The following CNTN4 variants were observed in gnomAD, a reference collection of about 807,000 sequenced individuals.
CNTN4 encodes the protein contactin-4.
A neutral mutation model predicts 122.5 loss-of-function variants in CNTN4; 77 were observed. The observed-to-expected ratio is 0.63, with a 90% CI of 0.52 to 0.76. The LOEUF (loss-of-function observed/expected upper bound fraction) is 0.76, where lower values mean the gene tolerates loss of function less well. CNTN4 is among the 30% of genes least tolerant of loss of function. The pLI, the probability that CNTN4 is intolerant of heterozygous loss-of-function variation, is 0.00. For synonymous variants in CNTN4, 512 were observed against 447.0 expected, an observed-to-expected ratio of 1.15 and a Z score of -1.83; for missense variants, 1,256 against 1,259.1, an observed-to-expected ratio of 1.00 and a Z score of 0.04.
intron 4 of CNTN4, among the ~76,000 whole-genome samples, chr3:2,598,298 G>A (rs1386679395): frequency 6.6e-6 from 1 of 152,140 alleles, no homozygotes; most frequent in African/African-American, 2.4e-5. Context: ...GTAAATTGCA[G>A]TGGTATTAGC....
At chr3:2,549,412 G>C (rs1444277715) in intron 3 of CNTN4, among the ~76,000 whole-genome samples, 4 of 152,128 alleles carry the variant, frequency 2.6e-5, no homozygotes, top group Admixed American at 1.3e-4. Flanking sequence ...AGCATGAAGA[G>C]GTGTTGAATT....
At chr3:2,565,117 A>G (rs1047425657) in intron 3 of CNTN4, among the ~76,000 whole-genome samples, 1 of 152,024 alleles carries the variant, frequency 6.6e-6, no homozygotes, top group African/African-American at 2.4e-5. Context: ...GTCTAAATCA[A>G]CCATTGGGTA....
chr3:2,846,581 A>G (rs1443048603), intron 7 of CNTN4, among the ~76,000 whole-genome samples: 1 of 152,218 alleles, frequency 6.6e-6, no homozygotes. Flanking sequence ...TTTATCATGT[A>G]TGCCTCTTTA....
At chr3:3,032,656 A>C (rs898400583) in intron 16 of CNTN4, among the ~76,000 whole-genome samples, 2 of 152,256 alleles carry the variant, frequency 1.3e-5, no homozygotes, top group African/African-American at 4.8e-5. Context: ...AGATTCTTTG[A>C]TTTTCTGAGG....
chr3:2,751,176 C>T (rs1021580000), intron 6 of CNTN4, among the ~76,000 whole-genome samples: 2 of 151,776 alleles, frequency 1.3e-5, no homozygotes, highest in Admixed American at 6.6e-5. Flanking sequence ...GGCATGGTGG[C>T]GGGCACCTGT....
chr3:2,903,493 G>T (rs754767061), intron 12 of CNTN4, among the ~76,000 whole-genome samples: 27 of 152,124 alleles, frequency 1.8e-4, no homozygotes, highest in Non-Finnish European at 3.5e-4. Context: ...CTCTTCAGCT[G>T]CATTGACCTT....
At chr3:2,198,261 A>G (rs1453558505) in intron 2 of CNTN4, among the ~76,000 whole-genome samples, 2 of 152,174 alleles carry the variant, frequency 1.3e-5, no homozygotes, top group East Asian at 1.9e-4. Flanking sequence ...TTTTATTACC[A>G]TTTGAAATAT....
chr3:2,392,161 C>T (rs2046463665), intron 3 of CNTN4, among the ~76,000 whole-genome samples: 2 of 152,196 alleles, frequency 1.3e-5, no homozygotes, highest in African/African-American at 4.8e-5. Flanking sequence ...TTCCCAAATC[C>T]ACTTGGCTAT....
chr3:2,864,468 G>A (rs1228964782), intron 7 of CNTN4, among the ~76,000 whole-genome samples: 1 of 152,002 alleles, frequency 6.6e-6, no homozygotes, highest in Non-Finnish European at 1.5e-5. Flanking sequence ...GCCAGGCGCG[G>A]TGGCTCACAC....
At chr3:2,949,085 T>A (rs757830273) in intron 13 of CNTN4, among the ~76,000 whole-genome samples, 7 of 152,132 alleles carry the variant, frequency 4.6e-5, no homozygotes, top group Admixed American at 1.3e-4. Flanking sequence ...TTAGCTACAA[T>A]CACACCGGCT....
chr3:2,730,241 A>G (rs1285471609), intron 4 of CNTN4, among the ~76,000 whole-genome samples: 1 of 152,204 alleles, frequency 6.6e-6, no homozygotes, highest in African/African-American at 2.4e-5. Context: ...CCTTATACCT[A>G]TAGCCTGAAG....
chr3:2,388,538 T>G (rs2046327604), intron 3 of CNTN4, among the ~76,000 whole-genome samples: 1 of 152,210 alleles, frequency 6.6e-6, no homozygotes, highest in Non-Finnish European at 1.5e-5. Context: ...CTGCATAGTC[T>G]TATTTAGAAA....
At chr3:2,985,024 G>A (rs1052135610) in intron 13 of CNTN4, among the ~76,000 whole-genome samples, 1 of 152,210 alleles carries the variant, frequency 6.6e-6, no homozygotes, top group Non-Finnish European at 1.5e-5. Flanking sequence ...GTATCAGATG[G>A]TCTTTACTGA....
At chr3:2,217,590 T>C (rs1301606670) in intron 2 of CNTN4, among the ~76,000 whole-genome samples, 1 of 152,174 alleles carries the variant, frequency 6.6e-6, no homozygotes, top group South Asian at 2.1e-4. Flanking sequence ...GTGACTAATA[T>C]TCACATTCTG....
chr3:2,476,432 G>A (rs2075836007), intron 3 of CNTN4, among the ~76,000 whole-genome samples: 2 of 152,164 alleles, frequency 1.3e-5, no homozygotes, highest in Non-Finnish European at 2.9e-5. Context: ...CATAAAAATG[G>A]GGTCATGTAT....
intron 9 of CNTN4, among the ~76,000 whole-genome samples, chr3:2,886,050 T>C (rs532273221): frequency 2.0e-5 from 3 of 152,296 alleles, no homozygotes; most frequent in African/African-American, 7.2e-5. Flanking sequence ...CTGTCTTATT[T>C]ATTAGTCAAA....
At chr3:2,611,019 T>C (rs960403959) in intron 4 of CNTN4, among the ~76,000 whole-genome samples, 3 of 152,070 alleles carry the variant, frequency 2.0e-5, no homozygotes, top group Non-Finnish European at 2.9e-5. Flanking sequence ...CTTATAACAA[T>C]ACTTCCATTA....
intron 13 of CNTN4, among the ~76,000 whole-genome samples, chr3:2,946,465 A>G (rs62232843): frequency 0.15 from 23,267 of 152,178 alleles, 2,817 homozygotes; most frequent in African/African-American, 0.34. Context: ...CTGTAAAGCA[A>G]TAAAGCTTTC....
chr3:2,646,504 C>A (rs1365401322), intron 4 of CNTN4, among the ~76,000 whole-genome samples: 1 of 152,138 alleles, frequency 6.6e-6, no homozygotes, highest in Non-Finnish European at 1.5e-5. Flanking sequence ...TCAGACTATT[C>A]CCTGGTGCAT....
Sources: gnomAD v4.1 joint callset for allele counts (sites outside exome capture counted in the v4.1 genomes callset) on GRCh38, gnomAD v4.1.1 for gene constraint, MANE v1.5 for transcripts, NCBI Gene and HGNC (gene_info 2026-07-23, HGNC 2026-07-21) for gene names.